MAP3K13: variants seen among roughly 807,000 people sequenced by gnomAD.
MAP3K13 encodes leucine zipper-bearing kinase.
MAP3K13 carries 52 observed loss-of-function variants against 104.0 expected under a neutral mutation model. The observed-to-expected ratio is 0.50, with a 90% CI of 0.40 to 0.63. The LOEUF (loss-of-function observed/expected upper bound fraction) is 0.63. Among genes scored for constraint, MAP3K13 ranks in the 20% least tolerant of loss-of-function variants. MAP3K13 has a pLI of 0.00. For synonymous variants in MAP3K13, 394 were observed against 442.2 expected, an observed-to-expected ratio of 0.89 and a Z score of 1.37; for missense variants, 914 against 1,218.5, an observed-to-expected ratio of 0.75 and a Z score of 3.72.
chr3:185,346,047 A>G (rs185282663), intron 2 of MAP3K13, among the ~76,000 whole-genome samples: 205 of 152,346 alleles, frequency 1.3e-3, no homozygotes, highest in Non-Finnish European at 2.6e-3. Context: ...AATCTATTCT[A>G]GCAATTTTCA....
intron 2 of MAP3K13, among the ~76,000 whole-genome samples, chr3:185,297,362 C>T (rs1306585781): frequency 1.3e-5 from 2 of 152,298 alleles, no homozygotes; most frequent in African/African-American, 2.4e-5. Flanking sequence ...CCCAGTTTCT[C>T]CTCCTCTAAT....
At chr3:185,383,614 C>A (rs1005398952) in intron 1 of MAP3K13, among the ~76,000 whole-genome samples, 3 of 150,724 alleles carry the variant, frequency 2.0e-5, no homozygotes, top group Middle Eastern at 3.2e-3. Context: ...TGCTTCCTTT[C>A]TTGCCATGTA....
At chr3:185,448,102 G>A (rs1251797235) in intron 5 of MAP3K13, 155 bp downstream of exon 5, 5 of 873,506 alleles carry the variant, frequency 5.7e-6, no homozygotes, top group South Asian at 1.3e-5. Flanking sequence ...GTACTTCCCA[G>A]TATGGTGATA....
chr3:185,302,815 A>G (rs1487346621), intron 2 of MAP3K13, among the ~76,000 whole-genome samples: 1 of 152,162 alleles, frequency 6.6e-6, no homozygotes, highest in African/African-American at 2.4e-5. Flanking sequence ...TCCAATTTAC[A>G]TGCCTTTTAT....
At chr3:185,334,006 G>A (rs1337284126) in intron 2 of MAP3K13, among the ~76,000 whole-genome samples, 2 of 152,052 alleles carry the variant, frequency 1.3e-5, no homozygotes, top group South Asian at 2.1e-4. Context: ...GTGAGCTATG[G>A]TCATGCCACT....
intron 7 of MAP3K13, among the ~76,000 whole-genome samples, chr3:185,452,139 A>C (rs1715925860): frequency 6.6e-6 from 1 of 152,164 alleles, no homozygotes; most frequent in Non-Finnish European, 1.5e-5. Context: ...CTTTTCTCTA[A>C]GTGTGTCACC....
intron 7 of MAP3K13, among the ~76,000 whole-genome samples, chr3:185,453,649 G>A (rs549151323): frequency 1.3e-5 from 2 of 151,452 alleles, no homozygotes; most frequent in East Asian, 3.9e-4. Flanking sequence ...CACACCTGTA[G>A]TCCCAGCTAC....
At chr3:185,454,765 GAC>G (rs1419359686) in intron 7 of MAP3K13, among the ~76,000 whole-genome samples, 17 of 81,200 alleles carry the variant, frequency 2.1e-4, no homozygotes, top group South Asian at 7.3e-4. Context: ...AGATATATAT[GAC>G]ATATATATGA....
intron 12 of MAP3K13, 138 bp downstream of exon 12, chr3:185,477,534 T>C (rs1290743973): frequency 1.5e-6 from 1 of 654,786 alleles, no homozygotes; most frequent in African/African-American, 1.8e-5. Context: ...TGTGTTCATG[T>C]TTTCCTGTTG....
intron 7 of MAP3K13, among the ~76,000 whole-genome samples, chr3:185,456,761 TC>T (rs1162707244): frequency 9.2e-5 from 14 of 151,752 alleles, no homozygotes; most frequent in Non-Finnish European, 1.5e-4. Context: ...GCCACCACAC[TC>T]GGTTAATTTT....
At chr3:185,460,222 G>C (rs949147070) in intron 7 of MAP3K13, among the ~76,000 whole-genome samples, 1 of 152,176 alleles carries the variant, frequency 6.6e-6, no homozygotes, top group African/African-American at 2.4e-5. Context: ...CCTGACTGCT[G>C]TCCATCAGAA....
chr3:185,417,417 G>C (rs904684524), intron 1 of MAP3K13: 7 of 1,307,792 alleles, frequency 5.4e-6, no homozygotes, highest in Non-Finnish European at 7.4e-6. Context: ...TTTCCTCACT[G>C]CCTGTATAAT....
At chr3:185,393,534 C>A (rs184634115) in intron 1 of MAP3K13, among the ~76,000 whole-genome samples, 18 of 151,448 alleles carry the variant, frequency 1.2e-4, no homozygotes, top group Non-Finnish European at 2.4e-4. Flanking sequence ...TCTCAGCTCA[C>A]TGCAAGCTCT....
intron 1 of MAP3K13, among the ~76,000 whole-genome samples, chr3:185,394,238 T>C (rs1223558046): frequency 6.6e-6 from 1 of 152,210 alleles, no homozygotes. Context: ...TTATTCCCAG[T>C]AGTCCTCTGA....
intron 2 of MAP3K13, chr3:185,293,044 G>T (rs1411695183): frequency 2.0e-6 from 2 of 984,812 alleles, no homozygotes; most frequent in Non-Finnish European, 2.4e-6. Flanking sequence ...TGTGTACTTG[G>T]TCATTAAATA....
intron 2 of MAP3K13, among the ~76,000 whole-genome samples, chr3:185,310,357 T>A (rs1179348552): frequency 6.6e-6 from 1 of 152,038 alleles, no homozygotes; most frequent in African/African-American, 2.4e-5. Context: ...CTATAAAAAA[T>A]TATGAAATAT....
At position 185,315,797 on chromosome 3, in the gene MAP3K13, G is replaced by C. The variant is rs1199564351; in HGVS notation, c.-86+30154G>C. Among the ~76,000 whole-genome samples, 1 of 152,086 alleles carries C rather than the reference G, an allele frequency of 6.6e-6. No individual in the cohort carries two copies. Among genetic ancestry groups the C allele is most frequent in the Non-Finnish European group, 1.5e-5 (1 of 68,024 alleles). On this transcript the variant is annotated intron_variant, in intron 2 of 14. Coordinates refer to the MAP3K13 transcript ENST00000424227. The surrounding 1 kb of genome is among the most constrained non-coding windows in gnomAD (Gnocchi z 4.3). ...AGGGTTGTGAGGATTAAATTATCAA[G>C]TGTTCAGAACAGTGGATTAATATAT...
chr3:185,285,638 G>C, exon 2 of MAP3K13: 1 of 1,534,822 alleles, frequency 6.5e-7, no homozygotes, highest in Non-Finnish European at 8.7e-7. Flanking sequence ...TAGCACTCTG[G>C]GAGAGGTAAG....
intron 2 of MAP3K13, among the ~76,000 whole-genome samples, chr3:185,350,046 T>TTTATAAGAA (rs1335842040): frequency 6.6e-6 from 1 of 152,194 alleles, no homozygotes; most frequent in Non-Finnish European, 1.5e-5. Context: ...AATAGAAATT[T>TTTATAAGAA]TTATAAGAAT....
Sources: gnomAD v4.1 joint callset for allele counts (sites outside exome capture counted in the v4.1 genomes callset) on GRCh38, gnomAD v4.1.1 for gene constraint, Gnocchi (gnomAD v3.1) non-coding constraint, MANE v1.5 for transcripts, NCBI Gene and HGNC (gene_info 2026-07-23, HGNC 2026-07-21) for gene names.